The following KCNG2 variants were observed in gnomAD, a reference collection of about 807,000 sequenced individuals.
KCNG2 encodes potassium voltage-gated channel modifier subfamily G member 2, also known as voltage-gated potassium channel regulatory subunit KCNG2.
In KCNG2, 7 loss-of-function variants were observed where a neutral mutation model predicts 12.3. The observed-to-expected ratio is 0.57, with a 90% CI of 0.32 to 1.07. KCNG2 has a LOEUF of 1.07. Among genes scored for constraint, KCNG2 ranks in the 50% least tolerant of loss-of-function variants. The probability of loss-of-function intolerance (pLI) is 0.04; values close to 1 mark genes in which losing one functional copy is unlikely to be tolerated. For synonymous variants in KCNG2, 414 were observed against 351.4 expected (o/e 1.18, Z -1.99); for missense variants, 703 against 726.0 (o/e 0.97, Z 0.36).
intron 1 of KCNG2, among the ~76,000 whole-genome samples, chr18:79,823,801 G>T (rs867957175): frequency 1.3e-4 from 20 of 152,114 alleles, no homozygotes; most frequent in African/African-American, 4.8e-4. Context: ...GTTTTACTGG[G>T]ATTGAGTGGA....
chr18:79,839,040 T>G (rs1599383752), intron 1 of KCNG2, among the ~76,000 whole-genome samples: 1 of 152,292 alleles, frequency 6.6e-6, no homozygotes, highest in Admixed American at 6.5e-5. Context: ...CTCACACCTG[T>G]AACCCCAGCA....
chr18:79,799,808 T>G (rs1255448706), intron 1 of KCNG2, among the ~76,000 whole-genome samples: 1 of 151,996 alleles, frequency 6.6e-6, no homozygotes, highest in Admixed American at 6.5e-5. Flanking sequence ...AGGAAGTGTG[T>G]GGGGGGCGGG....
chr18:79,845,613 AAT>A (rs1978596281), intron 1 of KCNG2, among the ~76,000 whole-genome samples: 3 of 152,348 alleles, frequency 2.0e-5, no homozygotes, highest in Middle Eastern at 3.4e-3. Flanking sequence ...CATAAATCAT[AAT>A]TGAAAAATAA....
intron 3 of KCNG2, among the ~76,000 whole-genome samples, chr18:79,880,790 C>T (rs1046413296): frequency 6.6e-6 from 1 of 152,132 alleles, no homozygotes; most frequent in Non-Finnish European, 1.5e-5. Context: ...AAGCTTGGTT[C>T]GATACTCAAA....
chr18:79,838,574 C>T (rs1436875649), intron 1 of KCNG2, among the ~76,000 whole-genome samples: 2 of 152,118 alleles, frequency 1.3e-5, no homozygotes, highest in African/African-American at 2.4e-5. Context: ...CCATGCCCAG[C>T]TAATTTTTAA....
Position 79,899,363 on chromosome 18 carries a change from CCGCTGCGCGCG to C in KCNG2, c.951_961del (p.Cys318ValfsTer192), listed in dbSNP as rs768742940. 6.4e-7 allele frequency: 1 copy of C among 1,554,410 alleles called. No individual in the cohort carries two copies. The highest frequency in any genetic ancestry group is 1.2e-5 in the South Asian group (1 of 85,696). ...TGCGTTCGCTGGGCCTGACCATGCGCCGCTGCGCGCGCGAGTTCGGGCTGCTGCTGCTGTTC... is the reference window on the plus strand; with the variant it reads ...TGCGTTCGCTGGGCCTGACCATGCGCCGAGTTCGGGCTGCTGCTGCTGTTC... On this transcript the variant is annotated frameshift_variant, in exon 4 of 4. Coordinates refer to ENST00000316249, the MANE Select transcript of KCNG2 (RefSeq NM_012283.2). LOFTEE classifies it low-confidence loss of function (END_TRUNC).
At chr18:79,854,565 T>C (rs1451887324) in intron 1 of KCNG2, among the ~76,000 whole-genome samples, 6 of 151,072 alleles carry the variant, frequency 4.0e-5, no homozygotes, top group South Asian at 2.1e-4. Context: ...CTCGCTCTGT[T>C]GCCCAGGCTG....
chr18:79,846,533 T>C (rs547277117), intron 1 of KCNG2, among the ~76,000 whole-genome samples: 10 of 152,316 alleles, frequency 6.6e-5, no homozygotes, highest in African/African-American at 2.4e-4. Context: ...TCATCTTTAG[T>C]TTACAACAAA....
chr18:79,800,929 A>G lies in KCNG2; in HGVS notation c.-115+2915A>G, dbSNP rs1355436507. The stretch of plus-strand genomic sequence containing the variant: ...CAGAAATCTTATCAACAGCAGGTTC[A>G]GCCTTTTCACGTGATGGGAGACCAT... On this transcript the variant is annotated intron_variant, in intron 1 of 3. Transcript: ENST00000316249. This position sits in a 1 kb window ranked among gnomAD's most constrained non-coding sequence, Gnocchi z 4.0. 6.6e-6 allele frequency among the ~76,000 whole-genome samples: 1 copy of G among 152,252 alleles called. No homozygotes were observed. Among genetic ancestry groups the G allele is most frequent in the Non-Finnish European group, 1.5e-5 (1 of 68,044 alleles).
At chr18:79,846,497 G>T (rs761867637) in intron 1 of KCNG2, among the ~76,000 whole-genome samples, 1 of 150,716 alleles carries the variant, frequency 6.6e-6, no homozygotes, top group Non-Finnish European at 1.5e-5. Flanking sequence ...ATCAGAAAGA[G>T]ATTACAGGAA....
intron 1 of KCNG2, among the ~76,000 whole-genome samples, chr18:79,848,470 T>A (rs1599389788): frequency 6.6e-6 from 1 of 152,306 alleles, no homozygotes; most frequent in East Asian, 1.9e-4. Flanking sequence ...GGCCTCTGCA[T>A]CCCACGGCCT....
intron 1 of KCNG2, among the ~76,000 whole-genome samples, chr18:79,826,025 G>A (rs1397473945): frequency 6.6e-6 from 1 of 152,252 alleles, no homozygotes; most frequent in East Asian, 1.9e-4. Context: ...GGCCTGGGTG[G>A]AGGCTGCAGC....
intron 1 of KCNG2, among the ~76,000 whole-genome samples, chr18:79,821,289 T>A (rs1479586944): frequency 5.5e-5 from 3 of 54,816 alleles, no homozygotes; most frequent in African/African-American, 2.1e-4. Flanking sequence ...TACTTGAATT[T>A]TTTTTTTTTT....
Position 79,863,730 on chromosome 18 carries a change from C to T in KCNG2, c.63C>T (p.Ile21=). 8.3e-7 allele frequency: 1 copy of T among 1,204,448 alleles called. No individual in the cohort carries two copies. The highest frequency in any genetic ancestry group is 3.5e-5 in the East Asian group (1 of 28,436). 74.6% of individuals were successfully genotyped at this position (1,204,448 alleles called of 1,614,324 possible). ...GGACCCGCGCCCGGCACGTCATCAT[C>T]AACGTGGGCGGCTGCCGCGTGCGCC... ...GGGTRARHVI[I]NVGGCRVRLA... is the part of the protein sequence containing the mutation. Residue 21 remains isoleucine (I), a synonymous_variant, in exon 3 of 4, where the codon ATC becomes ATT. Coordinates refer to ENST00000316249, the MANE Select transcript of KCNG2 (RefSeq NM_012283.2).
chr18:79,894,325 G>A (rs1424040521), intron 3 of KCNG2, among the ~76,000 whole-genome samples: 2 of 142,502 alleles, frequency 1.4e-5, no homozygotes, highest in African/African-American at 5.2e-5. Context: ...AATTGGGTCT[G>A]TGTCTGCTTT....
chr18:79,847,409 C>T (rs1000526992), intron 1 of KCNG2, among the ~76,000 whole-genome samples: 4 of 152,228 alleles, frequency 2.6e-5, no homozygotes, highest in Admixed American at 1.3e-4. Context: ...CCAGGTGCCC[C>T]GTGGGAACTG....
intron 1 of KCNG2, among the ~76,000 whole-genome samples, chr18:79,854,020 C>T (rs1210542639): frequency 2.0e-5 from 3 of 152,240 alleles, no homozygotes; most frequent in Non-Finnish European, 4.4e-5. Context: ...ATGAGCAGGC[C>T]GATGTCCAGG....
intron 3 of KCNG2, among the ~76,000 whole-genome samples, chr18:79,896,964 TCCC>T: frequency 6.6e-6 from 1 of 152,232 alleles, no homozygotes; most frequent in East Asian, 1.9e-4. Context: ...TTTGTGAACT[TCCC>T]TTGTAAGTGA....
At chr18:79,883,674 CCTGTCTGGCAAAGGTGAAGACATGT>C (rs1980406831) in intron 3 of KCNG2, among the ~76,000 whole-genome samples, 1 of 152,144 alleles carries the variant, frequency 6.6e-6, no homozygotes, top group Non-Finnish European at 1.5e-5. Context: ...TGAGGAGGGG[CCTGTCTGGCAAAGGTGAAGACATGT>C]CTGTCTGGTA....
Sources: allele counts gnomAD v4.1 joint callset (sites outside exome capture counted in the v4.1 genomes callset), GRCh38; gene constraint gnomAD v4.1.1; non-coding constraint Gnocchi (gnomAD v3.1); transcripts MANE v1.5; gene names NCBI Gene and HGNC (gene_info 2026-07-23, HGNC 2026-07-21).